Variants in CSMD1 observed in about 807,000 individuals in gnomAD.
CSMD1 encodes the protein CUB and Sushi multiple domains 1.
In CSMD1, 213 loss-of-function variants were observed where a neutral mutation model predicts 417.5. The ratio of observed to expected loss-of-function variants is 0.51; its 90% CI spans 0.46 to 0.57. CSMD1 has a LOEUF of 0.57. CSMD1 is among the 20% of genes least tolerant of loss of function. The pLI, the probability that CSMD1 is intolerant of heterozygous loss-of-function variation, is 0.00. For synonymous variants in CSMD1, 2,862 were observed against 1,736.8 expected (o/e 1.65, Z -16.11); for missense variants, 6,923 against 4,529.7 (o/e 1.53, Z -15.17).
At chr8:3,554,359 G>A (rs774464180) in intron 10 of CSMD1, among the ~76,000 whole-genome samples, 10 of 152,236 alleles carry the variant, frequency 6.6e-5, no homozygotes, top group Non-Finnish European at 1.3e-4. Context: ...GCTGGCTGGC[G>A]AGGGCTGTGA....
intron 3 of CSMD1, among the ~76,000 whole-genome samples, chr8:4,264,876 G>C (rs1291808961): frequency 2.0e-5 from 3 of 152,152 alleles, no homozygotes; most frequent in African/African-American, 4.8e-5. Context: ...CCCTAGGTAG[G>C]ACGATGAACA....
chr8:4,308,320 T>A (rs1448047061), intron 3 of CSMD1, among the ~76,000 whole-genome samples: 3 of 151,822 alleles, frequency 2.0e-5, no homozygotes, highest in East Asian at 1.9e-4. Context: ...TGTGGGGTGG[T>A]GTATCTGGTG....
chr8:4,779,072 T>C (rs1273742663), intron 1 of CSMD1, among the ~76,000 whole-genome samples: 3 of 152,198 alleles, frequency 2.0e-5, no homozygotes, highest in East Asian at 3.8e-4. Flanking sequence ...ACATACAGAA[T>C]CCTTACGAGA....
Position 3,307,794 on chromosome 8 carries a change from G to A in CSMD1, c.3851C>T (p.Ala1284Val), listed in dbSNP as rs369161704. 9.3e-5 allele frequency: 150 copies of A among 1,613,512 alleles called. No individual in the cohort carries two copies. The African/African-American group carries it at 1.8e-3, about 19-fold the overall frequency. ...IAECGGQIHA[A>V]TSGRILSPGY... Reference sequence around the variant, plus strand: ...AGGGGACAATATTCGTCCTGATGTGGCTGCATGGATCTGACCACCACATTC... The same window carrying A: ...AGGGGACAATATTCGTCCTGATGTGACTGCATGGATCTGACCACCACATTC... The change falls in exon 25 of 70, where the codon GCC becomes GTC. Residue 1284 changes from alanine to valine, a missense_variant. Physicochemically the swap from Ala to Val is moderately conservative, Grantham distance 64 (BLOSUM62 0). Coordinates refer to ENST00000635120, the MANE Select transcript of CSMD1 (RefSeq NM_033225.6).
chr8:4,115,533 T>C (rs1459959910), intron 3 of CSMD1, among the ~76,000 whole-genome samples: 3 of 152,208 alleles, frequency 2.0e-5, no homozygotes, highest in Non-Finnish European at 4.4e-5. Flanking sequence ...ATTCTTTCAC[T>C]TTTGTCAGCT....
chr8:3,968,481 T>A (rs148329130), intron 5 of CSMD1, among the ~76,000 whole-genome samples: 1 of 152,162 alleles, frequency 6.6e-6, no homozygotes, highest in African/African-American at 2.4e-5. Flanking sequence ...TTTAGTTAAG[T>A]ACATCTTCCG....
At position 3,945,788 on chromosome 8, in the gene CSMD1, G is replaced by T. The variant is rs79099830; in HGVS notation, c.818+52115C>A. Among the ~76,000 whole-genome samples, 12 of 152,178 alleles carry T rather than the reference G, an allele frequency of 7.9e-5. No individual in the cohort carries two copies. In the East Asian group the frequency reaches 1.9e-3, roughly 25 times the overall value. ...CTGGAGATATGAAAGTAGATGAGAAGCAATTTCAGACTTCACACACCAACA... is the reference window on the plus strand; with the variant it reads ...CTGGAGATATGAAAGTAGATGAGAATCAATTTCAGACTTCACACACCAACA... On this transcript the variant is annotated intron_variant, in intron 5 of 69. Coordinates refer to ENST00000635120, the MANE Select transcript of CSMD1 (RefSeq NM_033225.6).
chr8:4,431,918 T>A (rs191582017), intron 2 of CSMD1, among the ~76,000 whole-genome samples: 3 of 152,248 alleles, frequency 2.0e-5, no homozygotes, highest in Admixed American at 1.3e-4. Flanking sequence ...AACAATTGGG[T>A]AAATGGGAAT....
chr8:4,123,212 G>A (rs919149451), intron 3 of CSMD1, among the ~76,000 whole-genome samples: 4 of 152,194 alleles, frequency 2.6e-5, no homozygotes, highest in Admixed American at 2.6e-4. Context: ...GAATTCCTTA[G>A]AGCCAAGTTC....
intron 31 of CSMD1, among the ~76,000 whole-genome samples, chr8:3,203,670 C>G (rs572079545): frequency 2.6e-5 from 4 of 152,274 alleles, no homozygotes; most frequent in Admixed American, 6.5e-5. Flanking sequence ...ATCTCAAAGG[C>G]CACCCTGAAA....
At chr8:3,695,771 T>G (rs538200084) in intron 7 of CSMD1, among the ~76,000 whole-genome samples, 1 of 152,284 alleles carries the variant, frequency 6.6e-6, no homozygotes, top group African/African-American at 2.4e-5. Context: ...ATTCAATACA[T>G]GATGAACTGG....
At chr8:4,478,025 C>A (rs1188354715) in intron 2 of CSMD1, among the ~76,000 whole-genome samples, 2 of 152,110 alleles carry the variant, frequency 1.3e-5, no homozygotes, top group Non-Finnish European at 1.5e-5. Context: ...ATTCTACTAC[C>A]ATTCACTTTC....
At chr8:3,585,634 G>T (rs944770889) in intron 9 of CSMD1, among the ~76,000 whole-genome samples, 1 of 152,090 alleles carries the variant, frequency 6.6e-6, no homozygotes, top group Non-Finnish European at 1.5e-5. Context: ...CAATAATGAT[G>T]AATATTTTAC....
intron 3 of CSMD1, among the ~76,000 whole-genome samples, chr8:4,140,030 G>A (rs894032367): frequency 2.0e-5 from 3 of 150,892 alleles, no homozygotes; most frequent in Non-Finnish European, 2.9e-5. Context: ...AATTTGCCTG[G>A]AAGGATAGAA....
intron 2 of CSMD1, among the ~76,000 whole-genome samples, chr8:4,527,205 G>C (rs765455862): frequency 7.2e-5 from 11 of 152,120 alleles, no homozygotes; most frequent in Non-Finnish European, 1.5e-4. Context: ...ATCAGATTTA[G>C]TTGTTTTGGC....
chr8:3,947,263 T>C (rs903144215), intron 5 of CSMD1, among the ~76,000 whole-genome samples: 3 of 152,210 alleles, frequency 2.0e-5, no homozygotes, highest in African/African-American at 7.2e-5. Context: ...TCTAATGTTC[T>C]TTCCACATTT....
At chr8:3,026,874 T>C (rs913841987) in intron 51 of CSMD1, among the ~76,000 whole-genome samples, 5 of 152,150 alleles carry the variant, frequency 3.3e-5, no homozygotes, top group Non-Finnish European at 7.4e-5. Context: ...ATCCCTTCCA[T>C]AGAGGGTCTG....
At chr8:3,654,636 G>C (rs1193762623) in intron 7 of CSMD1, among the ~76,000 whole-genome samples, 3 of 152,194 alleles carry the variant, frequency 2.0e-5, no homozygotes, top group South Asian at 2.1e-4. Context: ...CCTTTGATTT[G>C]CTAGGTGTGA....
At chr8:4,413,991 G>T (rs1286333425) in intron 3 of CSMD1, among the ~76,000 whole-genome samples, 1 of 152,096 alleles carries the variant, frequency 6.6e-6, no homozygotes, top group Non-Finnish European at 1.5e-5. Context: ...TTACACTATG[G>T]GCTAATGGAG....
Sources: gnomAD v4.1 joint callset for allele counts (sites outside exome capture counted in the v4.1 genomes callset) on GRCh38, gnomAD v4.1.1 for gene constraint, MANE v1.5 for transcripts, NCBI Gene and HGNC (gene_info 2026-07-23, HGNC 2026-07-21) for gene names.